Variants in FBH1 observed in about 807,000 individuals in gnomAD.
FBH1 encodes the protein F-box DNA helicase 1, also known as DNA 3'-5' helicase 1.
A neutral mutation model predicts 115.5 loss-of-function variants in FBH1; 43 were observed. That is an observed-to-expected ratio of 0.37 (90% CI 0.29 to 0.48). The LOEUF is 0.48. Ranked by LOEUF, FBH1 falls within the 20% of genes least tolerant of loss-of-function variation. The probability of loss-of-function intolerance (pLI) is 0.99; values close to 1 mark genes in which losing one functional copy is unlikely to be tolerated. For missense variants in FBH1, 1,001 were observed against 1,337.3 expected (o/e 0.75, Z 3.92); for synonymous variants, 524 against 507.8 (o/e 1.03, Z -0.43).
Position 5,906,204 on chromosome 10 carries a change from G to A in FBH1, c.325G>A (p.Ala109Thr), listed in dbSNP as rs1390553020. ...SSCALPQEGS[A>T]GPGSPGSAPP... Reference sequence around the variant, plus strand: ...CTGTGCACTGCCTCAGGAAGGCAGTGCAGGGCCGGGCTCACCAGGGTCTGC... The same window carrying A: ...CTGTGCACTGCCTCAGGAAGGCAGTACAGGGCCGGGCTCACCAGGGTCTGC... Residue 109 changes from alanine (A) to threonine (T), a missense_variant, in exon 3 of 21, where the codon GCA becomes ACA. Ala to Thr is a moderately conservative substitution (Grantham distance 58). Transcript: ENST00000362091. This position sits in a 1 kb window ranked among gnomAD's most constrained non-coding sequence, Gnocchi z 7.3. The A allele has an allele frequency of 1.2e-6, 2 of 1,613,012 alleles. No individual in the cohort carries two copies. Among genetic ancestry groups the A allele is most frequent in the African/African-American group, 1.3e-5 (1 of 75,014 alleles).
Position 5,937,299 on chromosome 10 carries a change from C to G in FBH1, c.*19C>G. Reference sequence around the variant, plus strand: ...CTTCTGAGGACAAGGCGCACGTTCTCCGCAGTGCAGAGCAGCTTGCCGAGG... The same window carrying G: ...CTTCTGAGGACAAGGCGCACGTTCTGCGCAGTGCAGAGCAGCTTGCCGAGG... On this transcript the variant is annotated 3_prime_UTR_variant, in exon 21 of 21. Coordinates refer to ENST00000362091, the MANE Select transcript of FBH1 (RefSeq NM_178150.3). 6.4e-7 allele frequency: 1 copy of G among 1,566,624 alleles called. No individual in the cohort carries two copies. Among genetic ancestry groups the G allele is most frequent in the Non-Finnish European group, 8.7e-7 (1 of 1,153,732 alleles).
intron 9 of FBH1, 180 bp from the exon 10 acceptor site, chr10:5,916,054 C>G (rs1240621990): frequency 1.6e-6 from 1 of 614,190 alleles, no homozygotes. Flanking sequence ...CATGTGAGTC[C>G]TGAAAGCCAT....
intron 2 of FBH1, chr10:5,905,107 T>C (rs1175117842): frequency 1.7e-4 from 26 of 152,370 alleles, no homozygotes; most frequent in Non-Finnish European, 1.5e-5. Flanking sequence ...GCTTAGTAAA[T>C]GTTCACTGAA....
intron 10 of FBH1, 99 bp downstream of exon 10, chr10:5,916,555 G>GAGGATGGGGGAACGGGAAGTGTTAGGGA (rs1831954952): frequency 1.6e-6 from 1 of 640,658 alleles, no homozygotes; most frequent in Non-Finnish European, 2.2e-6. Flanking sequence ...AGTGTTAGGG[G>GAGGATGGGGGAACGGGAAGTGTTAGGGA]TCTGAGGATG....
intron 19 of FBH1, 137 bp downstream of exon 19, chr10:5,927,678 A>G (rs1200360291): frequency 6.3e-6 from 4 of 630,500 alleles, no homozygotes; most frequent in African/African-American, 5.5e-5. Context: ...TGAACGTGCA[A>G]AGGCCGATGA....
intron 1 of FBH1, among the ~76,000 whole-genome samples, chr10:5,896,968 T>C (rs1393173454): frequency 6.6e-6 from 1 of 152,194 alleles, no homozygotes; most frequent in Non-Finnish European, 1.5e-5. Context: ...TGAACTGCTT[T>C]TTAAAAAGGT....
In FBH1 at chr10:5,937,150, C is replaced by G. The variant is rs1200314573; in HGVS notation, c.3002C>G (p.Ser1001Cys). Residue 1001 changes from serine to cysteine, a missense_variant, in exon 21 of 21, where the codon TCC becomes TGC. Coordinates refer to ENST00000362091, the MANE Select transcript of FBH1 (RefSeq NM_178150.3). ...AACAAGGGGGGCTACCTCTGCCACTCCTGTGCGGAGCAGCGCATCGGGCCC... is the reference window on the plus strand; with the variant it reads ...AACAAGGGGGGCTACCTCTGCCACTGCTGTGCGGAGCAGCGCATCGGGCCC... ...KENKGGYLCH[S>C]CAEQRIGPLA... 3 of 1,613,536 alleles carry G rather than the reference C, an allele frequency of 1.9e-6. No homozygotes were observed. The South Asian group carries it at 3.3e-5, about 18-fold the overall frequency.
At chr10:5,922,012 G>A (rs1832344731) in intron 15 of FBH1, among the ~76,000 whole-genome samples, 1 of 152,150 alleles carries the variant, frequency 6.6e-6, no homozygotes, top group Non-Finnish European at 1.5e-5. Flanking sequence ...CTCCATCTCA[G>A]ATAAAATAAT....
At chr10:5,927,732 C>G (rs1832736565) in intron 19 of FBH1, among the ~76,000 whole-genome samples, 191 bp downstream of exon 19, 1 of 152,108 alleles carries the variant, frequency 6.6e-6, no homozygotes, top group African/African-American at 2.4e-5. Context: ...AAATGTGGTT[C>G]TTTTCTAAGT....
At position 5,922,396 on chromosome 10, in the gene FBH1, C is replaced by T. The variant is rs17146337; in HGVS notation, c.2322+827C>T. Among the ~76,000 whole-genome samples, 955 of 152,282 alleles carry T rather than the reference C, an allele frequency of 6.3e-3. 20 individuals carry two copies. The East Asian group carries it at 0.075, about 12-fold the overall frequency. Reference sequence around the variant, plus strand: ...ACACAGAAATGGATGCTGTTTTTCACTCAACACATAGGCATATTTTCTTTC... The same window carrying T: ...ACACAGAAATGGATGCTGTTTTTCATTCAACACATAGGCATATTTTCTTTC... On this transcript the variant is annotated intron_variant, in intron 15 of 20. Coordinates refer to ENST00000362091, the MANE Select transcript of FBH1 (RefSeq NM_178150.3).
chr10:5,906,343 C>A lies in FBH1; in HGVS notation c.464C>A (p.Pro155Gln). 1 of 1,614,230 alleles carries A rather than the reference C, an allele frequency of 6.2e-7. No individual in the cohort carries two copies. The highest frequency in any genetic ancestry group is 8.5e-7 in the Non-Finnish European group (1 of 1,180,028). ...KKAPRHHLSV[P>Q]CTRPREARQE... ...GCTCCACGGCACCATTTGTCTGTGC[C>A]ATGCACAAGGCCTAGGGAGGCCAGG... is the stretch of plus-strand genomic sequence containing the variant. Residue 155 changes from proline (P) to glutamine (Q), a missense_variant, in exon 3 of 21, where the codon CCA (proline) becomes CAA (glutamine). Transcript: ENST00000362091. This position sits in a 1 kb window ranked among gnomAD's most constrained non-coding sequence, Gnocchi z 7.3.
Position 5,929,969 on chromosome 10 carries a change from C to T in FBH1, c.2829+2428C>T, listed in dbSNP as rs1330580026. 6 of 152,120 alleles carry T rather than the reference C, an allele frequency of 3.9e-5. No individual in the cohort carries two copies. The East Asian group carries it at 9.6e-4, about 24-fold the overall frequency. The allele number at this position is 152,120 out of a possible 1,614,324, so 9.4% of individuals were successfully genotyped here. Reference sequence around the variant, plus strand: ...GAAGTGGTTAGGCCTGTCACAAAACCACATTGTCAATTGGTAGAACTGTGC... The same window carrying T: ...GAAGTGGTTAGGCCTGTCACAAAACTACATTGTCAATTGGTAGAACTGTGC... On this transcript the variant is annotated intron_variant, in intron 19 of 20. Coordinates refer to ENST00000362091, the MANE Select transcript of FBH1 (RefSeq NM_178150.3).
chr10:5,923,823 CT>C lies in FBH1; in HGVS notation c.2398+129del. On this transcript the variant is annotated intron_variant, in intron 16 of 20. Transcript: ENST00000362091. The surrounding 1 kb of genome is among the most constrained non-coding windows in gnomAD (Gnocchi z 5.7). Reference sequence around the variant, plus strand: ...GAGAAGGGCGAGCTAGTGTTGCTGTCTTCCCATGACGAGGGGGGTGCCTCGG... The same window carrying C: ...GAGAAGGGCGAGCTAGTGTTGCTGTCTCCCATGACGAGGGGGGTGCCTCGG... The C allele has an allele frequency of 1.2e-6, 1 of 838,066 alleles. No homozygotes were observed. Among genetic ancestry groups the C allele is most frequent in the Non-Finnish European group, 1.9e-6 (1 of 533,602 alleles). The allele number at this position is 838,066 out of a possible 1,614,324, so 51.9% of individuals were successfully genotyped here.
In FBH1 at chr10:5,909,601, G is replaced by A; in HGVS notation, c.1020+307G>A. On this transcript the variant is annotated intron_variant, in intron 5 of 20. Coordinates refer to ENST00000362091, the MANE Select transcript of FBH1 (RefSeq NM_178150.3). This position sits in a 1 kb window ranked among gnomAD's most constrained non-coding sequence, Gnocchi z 4.4. ...TAGCCTCTGAACACTTTTAATAATA[G>A]GATTTCTTTACAAGACAGCCCACCC... The A allele has an allele frequency of 3.3e-6, 1 of 302,120 alleles. No homozygotes were observed. Among genetic ancestry groups the A allele is most frequent in the Non-Finnish European group, 6.1e-6 (1 of 164,180 alleles). The allele number at this position is 302,120 out of a possible 1,614,324, so 18.7% of individuals were successfully genotyped here.
chr10:5,893,729 G>A (rs1842861598), intron 1 of FBH1, among the ~76,000 whole-genome samples: 1 of 152,076 alleles, frequency 6.6e-6, no homozygotes, highest in Non-Finnish European at 1.5e-5. Context: ...TGTTTGTTTT[G>A]GTAGCTGCCT....
At chr10:5,926,572 T>TGGG (rs1832666139) in intron 18 of FBH1, among the ~76,000 whole-genome samples, 1 of 152,218 alleles carries the variant, frequency 6.6e-6, no homozygotes, top group South Asian at 2.1e-4. Flanking sequence ...ACTGGAAATT[T>TGGG]GGGGCCTAGC....
chr10:5,906,669 A>C lies in FBH1; in HGVS notation c.753+37A>C. ...CTGGAGTCGGGAGATGTTTCCTCTA[A>C]AAGCACGTAACTTTGCTTAATGCAC... On this transcript the variant is annotated intron_variant, in intron 3 of 20. Coordinates refer to ENST00000362091, the MANE Select transcript of FBH1 (RefSeq NM_178150.3). The surrounding 1 kb of genome is among the most constrained non-coding windows in gnomAD (Gnocchi z 7.3). 6.6e-7 allele frequency: 1 copy of C among 1,525,070 alleles called. No individual in the cohort carries two copies. The highest frequency in any genetic ancestry group is 8.9e-7 in the Non-Finnish European group (1 of 1,123,586). The allele number at this position is 1,525,070 out of a possible 1,614,324, so 94.5% of individuals were successfully genotyped here.
Position 5,918,530 on chromosome 10 carries a change from C to G in FBH1, c.2100+52C>G. 8 of 1,499,598 alleles carry G rather than the reference C, an allele frequency of 5.3e-6. No homozygotes were observed. The highest frequency in any genetic ancestry group is 7.1e-6 in the Non-Finnish European group (8 of 1,128,936). 92.9% of individuals were successfully genotyped at this position (1,499,598 alleles called of 1,614,324 possible). A position where few individuals can be genotyped will look rare whatever the true frequency, so the allele number is the denominator to read the frequency against. On this transcript the variant is annotated intron_variant, in intron 13 of 20. Coordinates refer to ENST00000362091, the MANE Select transcript of FBH1 (RefSeq NM_178150.3). The surrounding 1 kb of genome is among the most constrained non-coding windows in gnomAD (Gnocchi z 4.0). The stretch of plus-strand genomic sequence containing the variant: ...ATTGCATCTCTCTCCCAATGTCTTA[C>G]GTGCCAGGCCCTGTGAAAGGTGGTA...
Position 5,916,388 on chromosome 10 carries a change from G to T in FBH1, c.1720G>T (p.Asp574Tyr). Residue 574 changes from aspartate to tyrosine, a missense_variant, in exon 10 of 21, where the codon GAT becomes TAT. By Grantham distance (160) the Asp-to-Tyr change is radical. Coordinates refer to ENST00000362091, the MANE Select transcript of FBH1 (RefSeq NM_178150.3). Reference sequence around the variant, plus strand: ...CTCGGCTGACGAAGAGCTGACCATTGATCACGTGCCTATTTGGTGTAAGAA... The same window carrying T: ...CTCGGCTGACGAAGAGCTGACCATTTATCACGTGCCTATTTGGTGTAAGAA... ...FASADEELTI[D>Y]HVPIWCKNSQ... The T allele has an allele frequency of 1.2e-6, 2 of 1,614,232 alleles. No homozygotes were observed. Among genetic ancestry groups the T allele is most frequent in the South Asian group, 1.1e-5 (1 of 91,078 alleles).
Sources: gnomAD v4.1 joint callset for allele counts (sites outside exome capture counted in the v4.1 genomes callset) on GRCh38, gnomAD v4.1.1 for gene constraint, Gnocchi (gnomAD v3.1) non-coding constraint, MANE v1.5 for transcripts, NCBI Gene and HGNC (gene_info 2026-07-23, HGNC 2026-07-21) for gene names.